PCCA: variants seen among roughly 807,000 people sequenced by gnomAD.
PCCA encodes propionyl-CoA carboxylase subunit alpha.
A neutral mutation model predicts 101.3 loss-of-function variants in PCCA; 74 were observed. The observed-to-expected ratio is 0.73, with a 90% CI of 0.61 to 0.89. The LOEUF (loss-of-function observed/expected upper bound fraction) is 0.89. Ranked by LOEUF, PCCA falls within the 40% of genes least tolerant of loss-of-function variation. The pLI, the probability that PCCA is intolerant of heterozygous loss-of-function variation, is 0.00. For missense variants in PCCA, 891 were observed against 907.0 expected (o/e 0.98, Z 0.23); for synonymous variants, 294 against 313.6 (o/e 0.94, Z 0.66).
intron 4 of PCCA, among the ~76,000 whole-genome samples, chr13:100,151,459 C>T (rs2053306525): frequency 1.3e-5 from 2 of 151,946 alleles, no homozygotes; most frequent in East Asian, 1.9e-4. Flanking sequence ...GGGTTGGTGG[C>T]GCATGCCTGT....
intron 21 of PCCA, among the ~76,000 whole-genome samples, chr13:100,482,652 A>G (rs1235046028): frequency 6.6e-6 from 1 of 152,230 alleles, no homozygotes; most frequent in Non-Finnish European, 1.5e-5. Context: ...GCAATGGTGC[A>G]GTCTCAGCTC....
At position 100,178,483 on chromosome 13, in the gene PCCA, C is replaced by A. The variant is rs113545374; in HGVS notation, c.468+21143C>A. Among the ~76,000 whole-genome samples, 408 of 152,182 alleles carry A rather than the reference C, an allele frequency of 2.7e-3. 5 individuals carry two copies. Among genetic ancestry groups the A allele is most frequent in the African/African-American group, 9.3e-3 (384 of 41,494 alleles). On this transcript the variant is annotated intron_variant, in intron 6 of 23. Coordinates refer to ENST00000376285, the MANE Select transcript of PCCA (RefSeq NM_000282.4). ...TCAATCCATAAGGCTTTAATTTACC[C>A]CCTACTGACAAATCCCAAATGGGTT...
At chr13:100,325,629 G>T (rs1481667533) in intron 16 of PCCA, among the ~76,000 whole-genome samples, 1 of 152,214 alleles carries the variant, frequency 6.6e-6, no homozygotes, top group African/African-American at 2.4e-5. Flanking sequence ...AACTCTGTCT[G>T]TTGTTCTGTG....
At chr13:100,167,770 C>G (rs1363611760) in intron 6 of PCCA, among the ~76,000 whole-genome samples, 6 of 151,978 alleles carry the variant, frequency 3.9e-5, no homozygotes, top group Admixed American at 2.0e-4. Context: ...AAGAGGTTAT[C>G]CCTTCCTCTT....
intron 12 of PCCA, among the ~76,000 whole-genome samples, chr13:100,297,127 G>GAGC (rs1348264335): frequency 1.3e-5 from 2 of 152,190 alleles, no homozygotes; most frequent in African/African-American, 4.8e-5. Context: ...GTCCATCTAT[G>GAGC]AGCACCATGT....
chr13:100,294,840 T>A (rs931921421), intron 12 of PCCA, among the ~76,000 whole-genome samples: 7 of 152,158 alleles, frequency 4.6e-5, no homozygotes, highest in South Asian at 2.1e-4. Flanking sequence ...CTGTATATAA[T>A]CCTACACAGG....
chr13:100,417,460 A>G (rs1451774276), intron 19 of PCCA, among the ~76,000 whole-genome samples: 5 of 152,116 alleles, frequency 3.3e-5, no homozygotes, highest in Non-Finnish European at 5.9e-5. Flanking sequence ...TGTTTAGTGA[A>G]TGATTGGTTT....
chr13:100,120,723 A>G (rs185458609), intron 4 of PCCA, among the ~76,000 whole-genome samples: 1 of 152,322 alleles, frequency 6.6e-6, no homozygotes, highest in Non-Finnish European at 1.5e-5. Context: ...CCTCTTATTA[A>G]GTCATGAATT....
intron 21 of PCCA, among the ~76,000 whole-genome samples, chr13:100,511,880 G>C (rs2086509414): frequency 6.6e-6 from 1 of 152,232 alleles, no homozygotes; most frequent in Non-Finnish European, 1.5e-5. Context: ...GTAAGGAGGT[G>C]CATGTACTGT....
intron 23 of PCCA, among the ~76,000 whole-genome samples, chr13:100,528,353 C>T (rs780083217): frequency 4.6e-5 from 7 of 152,096 alleles, no homozygotes; most frequent in Admixed American, 2.0e-4. Flanking sequence ...GAAAAGATGC[C>T]GTTAGTAGGT....
chr13:100,123,691 T>TA (rs1858836399), intron 4 of PCCA, among the ~76,000 whole-genome samples: 3 of 151,744 alleles, frequency 2.0e-5, no homozygotes, highest in African/African-American at 7.3e-5. Context: ...CTGAGGAAAA[T>TA]TGATGGGGAG....
At chr13:100,526,597 C>T (rs2087842929) in intron 22 of PCCA, among the ~76,000 whole-genome samples, 1 of 152,254 alleles carries the variant, frequency 6.6e-6, no homozygotes. Context: ...ACGAATATGG[C>T]CACAGTGGTG....
chr13:100,152,784 AG>A (rs1167954559), intron 4 of PCCA, among the ~76,000 whole-genome samples: 1 of 152,210 alleles, frequency 6.6e-6, no homozygotes, highest in African/African-American at 2.4e-5. Flanking sequence ...GTGATAACAT[AG>A]GAAAAATGTC....
chr13:100,173,126 C>G (rs181347098), intron 6 of PCCA, among the ~76,000 whole-genome samples: 7 of 152,192 alleles, frequency 4.6e-5, no homozygotes, highest in Admixed American at 4.6e-4. Context: ...TGTAAAAGTT[C>G]TGCTTTCCTC....
At chr13:100,493,497 C>T (rs927413502) in intron 21 of PCCA, among the ~76,000 whole-genome samples, 2 of 152,158 alleles carry the variant, frequency 1.3e-5, no homozygotes. Flanking sequence ...GAGAGCCAAC[C>T]CACGTGGATG....
intron 1 of PCCA, among the ~76,000 whole-genome samples, chr13:100,102,364 T>C (rs145723457): frequency 0.021 from 3,150 of 152,330 alleles, 39 homozygotes; most frequent in Middle Eastern, 0.092. Flanking sequence ...AACAGTTCAA[T>C]GAATGAGAAA....
chr13:100,263,847 ATATATATATGGTATCTGTATATCG>A lies in PCCA; in HGVS notation c.819+1037_819+1060del, dbSNP rs1157296431. On this transcript the variant is annotated intron_variant, in intron 10 of 23. Transcript: ENST00000376285. ...TATATATGGTATCTGTATATCGTAT[ATATATATATGGTATCTGTATATCG>A]TATATATATGGTATCTGTATGTCAT... 1.5e-3 allele frequency among the ~76,000 whole-genome samples: 228 copies of A among 147,280 alleles called. 1 individual carries two copies. Among genetic ancestry groups the A allele is most frequent in the African/African-American group, 5.1e-3 (208 of 40,772 alleles).
chr13:100,283,765 G>A (rs1161335581), intron 12 of PCCA, among the ~76,000 whole-genome samples: 4 of 152,360 alleles, frequency 2.6e-5, no homozygotes, highest in African/African-American at 7.2e-5. Flanking sequence ...TGGTGGTTCA[G>A]AGAGGACAGA....
intron 19 of PCCA, among the ~76,000 whole-genome samples, chr13:100,408,401 A>G (rs745571412): frequency 3.3e-5 from 5 of 152,298 alleles, no homozygotes; most frequent in South Asian, 2.1e-4. Flanking sequence ...CTCTTTACCA[A>G]TAATCCTTAA....
Sources: allele counts gnomAD v4.1 joint callset (sites outside exome capture counted in the v4.1 genomes callset), GRCh38; gene constraint gnomAD v4.1.1; transcripts MANE v1.5; gene names NCBI Gene and HGNC (gene_info 2026-07-23, HGNC 2026-07-21).